The following NF1 variants were observed in gnomAD, a reference collection of about 807,000 sequenced individuals.
NF1 encodes neurofibromin.
Under a neutral mutation model 325.7 loss-of-function variants are expected in NF1, and 122 were observed. That is an observed-to-expected ratio of 0.37 (90% confidence interval 0.32 to 0.44). The LOEUF is 0.44. Among genes scored for constraint, NF1 ranks in the 20% least tolerant of loss-of-function variants. NF1 has a pLI of 1.00. For synonymous variants in NF1, 1,091 were observed against 1,186.0 expected (o/e 0.92, Z 1.65); for missense variants, 2,140 against 3,415.4 (o/e 0.63, Z 9.31).
chr17:31,192,506 TTGTGGAGACCAGATTTTGTTG>T (rs1453168164), intron 8 of NF1, among the ~76,000 whole-genome samples: 2 of 152,186 alleles, frequency 1.3e-5, no homozygotes, highest in African/African-American at 4.8e-5. Context: ...AGATAAAGGA[TTGTGGAGACCAGATTTTGTTG>T]TGCAGAGGAA....
At chr17:31,202,165 T>A (rs1258061603) in intron 11 of NF1, among the ~76,000 whole-genome samples, 2 of 152,344 alleles carry the variant, frequency 1.3e-5, no homozygotes, top group East Asian at 1.9e-4. Flanking sequence ...TGTGGATTTT[T>A]AAAATTCTGT....
At chr17:31,198,493 G>A (rs1432051170) in intron 8 of NF1, among the ~76,000 whole-genome samples, 1 of 152,072 alleles carries the variant, frequency 6.6e-6, no homozygotes. Context: ...TAGACTGTGT[G>A]TTTGTAGAAA....
intron 12 of NF1, among the ~76,000 whole-genome samples, chr17:31,212,196 G>T (rs1408894781): frequency 6.6e-6 from 1 of 151,982 alleles, no homozygotes; most frequent in Non-Finnish European, 1.5e-5. Context: ...AAACATACAC[G>T]TTAGCCTAGG....
chr17:31,186,618 G>T (rs141253124), intron 8 of NF1, among the ~76,000 whole-genome samples: 1 of 152,322 alleles, frequency 6.6e-6, no homozygotes, highest in East Asian at 1.9e-4. Flanking sequence ...TCTCTGAGTG[G>T]TTAAAAACTG....
rs575055015 is a variant in NF1 at position 31,308,080 on chromosome 17, G to A, written c.4836-17740G>A. 3.3e-5 allele frequency: 11 copies of A among 333,182 alleles called. No individual in the cohort carries two copies. In the East Asian group the frequency reaches 8.4e-4, roughly 25 times the overall value. The allele number at this position is 333,182 out of a possible 1,614,324, so 20.6% of individuals were successfully genotyped here. A position where few individuals can be genotyped will look rare whatever the true frequency, so the allele number is the denominator to read the frequency against. On this transcript the variant is annotated intron_variant, in intron 36 of 57. Transcript: ENST00000358273. The stretch of plus-strand genomic sequence containing the variant: ...ACTGCTGAATTAATCTTAAAAGTGT[G>A]CATGATCAGGTTACTACTGCCTTGC...
intron 1 of NF1, among the ~76,000 whole-genome samples, chr17:31,109,446 C>T (rs563988412): frequency 7.3e-5 from 11 of 151,630 alleles, no homozygotes; most frequent in East Asian, 5.8e-4. Context: ...TGCAATGGCG[C>T]GATCTCGGCT....
rs28483768 is a variant in NF1, at chr17:31,189,194, T to G, written c.888+6529T>G. ...ATTGCTGATTTTTCCATTGAATTGT[T>G]TGTCTTTTGTTGATTTGTAAGGGTA... On this transcript the variant is annotated intron_variant, in intron 8 of 57. Transcript: ENST00000358273. 7.6e-3 allele frequency among the ~76,000 whole-genome samples: 1,162 copies of G among 152,302 alleles called. 18 individuals carry two copies. Among genetic ancestry groups the G allele is most frequent in the African/African-American group, 0.027 (1,118 of 41,562 alleles).
chr17:31,320,357 AAAG>A, intron 36 of NF1: 2 of 1,554,054 alleles, frequency 1.3e-6, no homozygotes, highest in East Asian at 2.3e-5. Context: ...AAAAAAAAAA[AAAG>A]GCAGATTCTT....
intron 36 of NF1, among the ~76,000 whole-genome samples, chr17:31,272,927 C>A (rs9909140): frequency 6.6e-6 from 1 of 152,104 alleles, no homozygotes; most frequent in Non-Finnish European, 1.5e-5. Flanking sequence ...TTGTCAACAT[C>A]TGCTGACACA....
intron 1 of NF1, among the ~76,000 whole-genome samples, chr17:31,120,041 T>A (rs1171580728): frequency 1.3e-5 from 2 of 152,268 alleles, no homozygotes; most frequent in East Asian, 3.9e-4. Context: ...AGTCAGGTAG[T>A]GTGATGCCTC....
intron 8 of NF1, among the ~76,000 whole-genome samples, chr17:31,184,086 G>A (rs1215452789): frequency 6.6e-6 from 1 of 152,070 alleles, no homozygotes; most frequent in Non-Finnish European, 1.5e-5. Flanking sequence ...TAGTTTGTTT[G>A]GGGGTTTCTG....
intron 1 of NF1, among the ~76,000 whole-genome samples, chr17:31,147,777 C>G (rs1567810741): frequency 6.6e-6 from 1 of 152,184 alleles, no homozygotes; most frequent in Non-Finnish European, 1.5e-5. Flanking sequence ...TTTGTCCTCT[C>G]GAAGCTGCAA....
At chr17:31,231,493 G>C (rs1489895971) in intron 24 of NF1, among the ~76,000 whole-genome samples, 1 of 151,932 alleles carries the variant, frequency 6.6e-6, no homozygotes, top group African/African-American at 2.4e-5. Context: ...CCAAACCCCT[G>C]CCCACATCTT....
intron 16 of NF1, among the ~76,000 whole-genome samples, chr17:31,224,724 G>C (rs986740798): frequency 5.3e-5 from 8 of 151,984 alleles, no homozygotes; most frequent in African/African-American, 1.9e-4. Flanking sequence ...CCAATTTCTG[G>C]TTATCCCAAC....
In NF1 at chr17:31,102,747, A is replaced by AG. The variant is rs1321032210; in HGVS notation, c.60+7378_60+7379insG. On this transcript the variant is annotated intron_variant, in intron 1 of 57. Coordinates refer to ENST00000358273, the MANE Select transcript of NF1 (RefSeq NM_001042492.3). ...GAGACCCTGTCTTCCAAAAAAAAAA[A>AG]AAGAGAGCGTGACTAGTCTCTGGAT... Among the ~76,000 whole-genome samples the AG allele has an allele frequency of 2.0e-5, 3 of 152,020 alleles. No homozygotes were observed. In the East Asian group the frequency reaches 5.8e-4, roughly 29 times the overall value.
intron 37 of NF1, among the ~76,000 whole-genome samples, chr17:31,327,266 A>ATT (rs2069369139): frequency 6.6e-6 from 1 of 152,174 alleles, no homozygotes; most frequent in Non-Finnish European, 1.5e-5. Flanking sequence ...CCGGCCTTCT[A>ATT]TAAGATTCTT....
In NF1 at chr17:31,164,993, C is replaced by T. The variant is rs1418116828; in HGVS notation, c.479+1617C>T. On this transcript the variant is annotated intron_variant, in intron 4 of 57. Coordinates refer to ENST00000358273, the MANE Select transcript of NF1 (RefSeq NM_001042492.3). ...GTGGAAAATTGTATTTAATAAAAAACGCAAACCCTTTTCATTTAGGTGACT... is the reference window on the plus strand; with the variant it reads ...GTGGAAAATTGTATTTAATAAAAAATGCAAACCCTTTTCATTTAGGTGACT... Among the ~76,000 whole-genome samples, 9 of 151,990 alleles carry T rather than the reference C, an allele frequency of 5.9e-5. No individual in the cohort carries two copies. In the South Asian group the frequency reaches 6.2e-4, roughly 10 times the overall value.
intron 1 of NF1, among the ~76,000 whole-genome samples, chr17:31,114,104 A>C (rs1913677780): frequency 6.6e-6 from 1 of 152,226 alleles, no homozygotes; most frequent in African/African-American, 2.4e-5. Flanking sequence ...ATTGATTTAT[A>C]AACTTGCCCG....
At chr17:31,100,714 C>T (rs1250412367) in intron 1 of NF1, among the ~76,000 whole-genome samples, 4 of 152,158 alleles carry the variant, frequency 2.6e-5, no homozygotes, top group South Asian at 2.1e-4. Flanking sequence ...GGACTACAGG[C>T]GCATGCCACC....
Sources: allele counts gnomAD v4.1 joint callset (sites outside exome capture counted in the v4.1 genomes callset), GRCh38; gene constraint gnomAD v4.1.1; transcripts MANE v1.5; gene names NCBI Gene and HGNC (gene_info 2026-07-23, HGNC 2026-07-21).